PDE8A: variants seen among roughly 807,000 people sequenced by gnomAD.
PDE8A encodes high affinity cAMP-specific and IBMX-insensitive 3',5'-cyclic phosphodiesterase 8A.
In PDE8A, 59 loss-of-function variants were observed where a neutral mutation model predicts 105.0. The observed-to-expected ratio is 0.56, with a 90% CI of 0.46 to 0.70. The LOEUF (loss-of-function observed/expected upper bound fraction) is 0.70, where lower values mean the gene tolerates loss of function less well. Among genes scored for constraint, PDE8A ranks in the 30% least tolerant of loss-of-function variants. PDE8A has a pLI of 0.00. For missense variants in PDE8A, 1,014 were observed against 1,045.9 expected (o/e 0.97, Z 0.42); for synonymous variants, 355 against 371.9 (o/e 0.95, Z 0.52).
rs189371235 is a variant in PDE8A at position 85,138,756 on chromosome 15, G to A, written c.*853G>A. ...CTCTAGCCGCCTAATGCACTTCACAGGTAACTCCCCAAGGTAAAACTAGAC... is the reference window on the plus strand; with the variant it reads ...CTCTAGCCGCCTAATGCACTTCACAAGTAACTCCCCAAGGTAAAACTAGAC... On this transcript the variant is annotated 3_prime_UTR_variant, in exon 22 of 22. Coordinates refer to ENST00000394553, the MANE Select transcript of PDE8A (RefSeq NM_002605.3). The A allele has an allele frequency of 6.6e-6, 1 of 152,106 alleles. No individual in the cohort carries two copies. Among genetic ancestry groups the A allele is most frequent in the Non-Finnish European group, 1.5e-5 (1 of 68,026 alleles). The allele number at this position is 152,106 out of a possible 1,614,324, so 9.4% of individuals were successfully genotyped here.
chr15:85,084,583 C>G (rs543750384), intron 6 of PDE8A, among the ~76,000 whole-genome samples: 3 of 152,308 alleles, frequency 2.0e-5, no homozygotes, highest in African/African-American at 7.2e-5. Flanking sequence ...GGCTACTACC[C>G]TCTCTCAGAG....
chr15:85,034,198 A>G (rs142501088), intron 1 of PDE8A, among the ~76,000 whole-genome samples: 2 of 152,364 alleles, frequency 1.3e-5, no homozygotes, highest in African/African-American at 4.8e-5. Context: ...CTCCGTAAGG[A>G]AAGTCAGTGT....
At chr15:85,124,934 A>C (rs1278240864) in intron 19 of PDE8A, among the ~76,000 whole-genome samples, 1 of 152,212 alleles carries the variant, frequency 6.6e-6, no homozygotes, top group Admixed American at 6.5e-5. Flanking sequence ...TTGTCGGTAC[A>C]TGGGGTTACT....
At chr15:85,076,886 AAAAAAAT>A (rs1385563034) in intron 5 of PDE8A, 99 bp downstream of exon 5, 4 of 869,332 alleles carry the variant, frequency 4.6e-6, no homozygotes, top group Non-Finnish European at 5.8e-6. Context: ...AATTTGAAGA[AAAAAAAT>A]TGTCTGGCCA....
At chr15:85,010,891 C>G (rs35816571) in intron 1 of PDE8A, among the ~76,000 whole-genome samples, 19,440 of 151,854 alleles carry the variant, frequency 0.13, 1,639 homozygotes, top group Middle Eastern at 0.24. Context: ...TTCCCCCAGT[C>G]GTGTTCCTGA....
chr15:85,017,695 T>A (rs1329051724), intron 1 of PDE8A, among the ~76,000 whole-genome samples: 1 of 152,108 alleles, frequency 6.6e-6, no homozygotes, highest in Non-Finnish European at 1.5e-5. Flanking sequence ...AAGACCAGCC[T>A]GGCCAACATG....
chr15:85,051,515 T>C (rs998738147), intron 1 of PDE8A, among the ~76,000 whole-genome samples: 15 of 152,128 alleles, frequency 9.9e-5, no homozygotes, highest in East Asian at 5.8e-4. Context: ...GATGTGCAGG[T>C]TTGTTACATA....
At chr15:85,076,587 A>G in intron 4 of PDE8A, 146 bp from the exon 5 acceptor site, 1 of 602,350 alleles carries the variant, frequency 1.7e-6, no homozygotes, top group African/African-American at 1.9e-5. Flanking sequence ...ACAGTTTTCA[A>G]CTTTATCCTT....
intron 1 of PDE8A, among the ~76,000 whole-genome samples, chr15:85,031,988 G>C (rs2080623718): frequency 6.6e-6 from 1 of 152,202 alleles, no homozygotes; most frequent in Admixed American, 6.5e-5. Flanking sequence ...GCACACACCA[G>C]TGCTTTGTCA....
chr15:85,050,462 T>C (rs2080955811), intron 1 of PDE8A, among the ~76,000 whole-genome samples: 1 of 152,210 alleles, frequency 6.6e-6, no homozygotes, highest in Admixed American at 6.5e-5. Context: ...TACATTTAGG[T>C]CTTCAATCCA....
chr15:85,125,925 G>A (rs1020284767), intron 19 of PDE8A, among the ~76,000 whole-genome samples: 16 of 152,110 alleles, frequency 1.1e-4, no homozygotes, highest in African/African-American at 3.6e-4. Context: ...TTAGTGAGAG[G>A]AAGAGAAGAA....
At chr15:85,001,333 A>G (rs1035802215) in intron 1 of PDE8A, among the ~76,000 whole-genome samples, 1 of 152,200 alleles carries the variant, frequency 6.6e-6, no homozygotes, top group Admixed American at 6.5e-5. Flanking sequence ...TCTGGAAAAA[A>G]TGCCCCCTTT....
At chr15:85,077,316 G>A (rs759007482) in intron 5 of PDE8A, among the ~76,000 whole-genome samples, 2 of 152,136 alleles carry the variant, frequency 1.3e-5, no homozygotes, top group African/African-American at 2.4e-5. Context: ...GTTTCCCTAA[G>A]CCAAAAGGTT....
At chr15:85,065,381 T>C (rs1318824017) in intron 2 of PDE8A, among the ~76,000 whole-genome samples, 3 of 149,196 alleles carry the variant, frequency 2.0e-5, no homozygotes, top group Non-Finnish European at 3.0e-5. Flanking sequence ...TACCTAATGC[T>C]AGATGACGAG....
chr15:85,118,138 A>G (rs539080791), intron 17 of PDE8A, among the ~76,000 whole-genome samples: 29 of 152,310 alleles, frequency 1.9e-4, no homozygotes, highest in Non-Finnish European at 3.7e-4. Flanking sequence ...CCAAGCCTGT[A>G]CACTAGTAGA....
chr15:84,997,369 A>AT (rs2079996880), intron 1 of PDE8A, among the ~76,000 whole-genome samples: 2 of 148,988 alleles, frequency 1.3e-5, no homozygotes, highest in South Asian at 2.1e-4. Flanking sequence ...AATTTTTTGT[A>AT]TTTTTTTGTA....
chr15:85,095,069 A>C (rs1434209154), intron 8 of PDE8A, among the ~76,000 whole-genome samples: 6 of 152,088 alleles, frequency 3.9e-5, no homozygotes, highest in Non-Finnish European at 7.4e-5. Flanking sequence ...TGATGATTTA[A>C]TTCTCAAGAC....
intron 1 of PDE8A, among the ~76,000 whole-genome samples, chr15:85,004,727 A>C (rs1382973869): frequency 6.6e-6 from 1 of 152,190 alleles, no homozygotes; most frequent in Non-Finnish European, 1.5e-5. Flanking sequence ...CATTGCTGTC[A>C]GTTCTATGAT....
chr15:85,086,546 A>G (rs2081555746), intron 6 of PDE8A, among the ~76,000 whole-genome samples: 1 of 152,190 alleles, frequency 6.6e-6, no homozygotes, highest in Non-Finnish European at 1.5e-5. Context: ...GGTTCACAAG[A>G]GATATTAATG....
Sources: gnomAD v4.1 joint callset for allele counts (sites outside exome capture counted in the v4.1 genomes callset) on GRCh38, gnomAD v4.1.1 for gene constraint, MANE v1.5 for transcripts, NCBI Gene and HGNC (gene_info 2026-07-23, HGNC 2026-07-21) for gene names.